BTD: variants seen among roughly 807,000 people sequenced by gnomAD.
BTD encodes the protein biocytinase.
Under a neutral mutation model 17.7 loss-of-function variants are expected in BTD, and 13 were observed. The observed-to-expected ratio is 0.74, with a 90% confidence interval of 0.48 to 1.17. The LOEUF is 1.17. Ranked by LOEUF, BTD falls within the 50% of genes most tolerant of loss-of-function variation. BTD has a pLI of 0.00. For missense variants in BTD, 674 were observed against 650.4 expected (o/e 1.04, Z -0.39); for synonymous variants, 240 against 245.2 (o/e 0.98, Z 0.20).
chr3:15,674,635 C>T (rs2066747755), intron 3 of BTD, among the ~76,000 whole-genome samples: 1 of 151,914 alleles, frequency 6.6e-6, no homozygotes. Context: ...TATTTAAAAC[C>T]AAAGGAACTG....
At chr3:15,625,531 TTTTGTTTG>T (rs541879800) in intron 1 of BTD, among the ~76,000 whole-genome samples, 1 of 151,908 alleles carries the variant, frequency 6.6e-6, no homozygotes, top group African/African-American at 2.4e-5. Context: ...TGGAGTTGTT[TTTTGTTTG>T]TTTGTTTGTT....
At chr3:15,679,652 T>A in intron 3 of BTD, 2 of 990,818 alleles carry the variant, frequency 2.0e-6, no homozygotes, top group Non-Finnish European at 3.1e-6. Flanking sequence ...AGGAAAAATG[T>A]AAAAGTCTCT....
chr3:15,641,472 A>G (rs2065505764), intron 2 of BTD, among the ~76,000 whole-genome samples: 2 of 152,204 alleles, frequency 1.3e-5, no homozygotes, highest in Non-Finnish European at 2.9e-5. Flanking sequence ...TTAAATGCAC[A>G]ATGGAAGTTG....
chr3:15,673,421 A>G (rs1417235932), intron 3 of BTD, among the ~76,000 whole-genome samples: 1 of 152,260 alleles, frequency 6.6e-6, no homozygotes. Context: ...GGCACTATTT[A>G]GAACACTAAG....
chr3:15,611,716 T>G (rs1356042563), intron 1 of BTD, among the ~76,000 whole-genome samples: 6 of 151,718 alleles, frequency 4.0e-5, no homozygotes, highest in South Asian at 4.2e-4. Context: ...AGGCAGAGGT[T>G]GCAATGAGCT....
At chr3:15,657,231 A>G (rs1053952936), downstream of BTD, among the ~76,000 whole-genome samples, 3 of 152,228 alleles carry the variant, frequency 2.0e-5, no homozygotes, top group Non-Finnish European at 4.4e-5. Flanking sequence ...TAAAGTTGCT[A>G]CAGCACCCTT....
intron 1 of BTD, among the ~76,000 whole-genome samples, chr3:15,616,110 A>C (rs1338794004): frequency 1.3e-5 from 2 of 152,020 alleles, no homozygotes; most frequent in African/African-American, 4.8e-5. Flanking sequence ...TGCTATAAAC[A>C]CTCCTGTGCA....
intron 3 of BTD, among the ~76,000 whole-genome samples, chr3:15,661,003 T>C (rs1452368134): frequency 2.6e-5 from 4 of 152,120 alleles, no homozygotes; most frequent in Non-Finnish European, 5.9e-5. Flanking sequence ...TGGTGGGTCA[T>C]GCCTGTAATC....
intron 3 of BTD, among the ~76,000 whole-genome samples, chr3:15,643,806 C>T (rs2065603663): frequency 6.8e-6 from 1 of 147,632 alleles, no homozygotes; most frequent in South Asian, 2.1e-4. Context: ...CCTGTAGTCC[C>T]AGCTTCTTAG....
At chr3:15,711,244 C>G (rs750169581) in exon 4 of BTD, 9 of 1,612,474 alleles carry the variant, frequency 5.6e-6, no homozygotes, top group Non-Finnish European at 7.6e-6. Flanking sequence ...ACAAGTCCTG[C>G]CAAAATCATC....
At chr3:15,677,743 A>G in intron 3 of BTD, 1 of 462,292 alleles carries the variant, frequency 2.2e-6, no homozygotes, top group Non-Finnish European at 3.9e-6. Context: ...AGACAATTAT[A>G]TTGTTGTATA....
chr3:15,716,716 A>C (rs1012378723), downstream of BTD, among the ~76,000 whole-genome samples: 3 of 152,366 alleles, frequency 2.0e-5, no homozygotes, highest in South Asian at 4.1e-4. Context: ...TTGTAATAAT[A>C]ATTTGATTAA....
At chr3:15,642,630 G>T (rs539768228) in intron 3 of BTD, among the ~76,000 whole-genome samples, 2 of 151,330 alleles carry the variant, frequency 1.3e-5, no homozygotes, top group Non-Finnish European at 3.0e-5. Context: ...AATTTTTTTT[G>T]TGTGTGTATT....
At chr3:15,670,066 C>A (rs1267125563) in intron 3 of BTD, 1 of 560,208 alleles carries the variant, frequency 1.8e-6, no homozygotes, top group Non-Finnish European at 3.1e-6. Flanking sequence ...TTTCCTCAGT[C>A]AGGTCTATTT....
chr3:15,685,859 T>C, intron 3 of BTD: 2 of 681,980 alleles, frequency 2.9e-6, no homozygotes, highest in South Asian at 4.2e-5. Context: ...AAAATTAGCA[T>C]TTAAAAACTA....
intron 3 of BTD, chr3:15,676,983 G>T: frequency 2.5e-6 from 4 of 1,611,242 alleles, no homozygotes; most frequent in Non-Finnish European, 2.5e-6. Flanking sequence ...CGTTTGCAAG[G>T]CTGCGTTGGT....
Position 15,659,603 on chromosome 3 carries a change from C to G in BTD, c.399+17546C>G, listed in dbSNP as rs187789635. Among the ~76,000 whole-genome samples the G allele has an allele frequency of 9.6e-4, 146 of 152,286 alleles. No homozygotes were observed. The Middle Eastern group carries it at 0.014, about 14-fold the overall frequency. On this transcript the variant is annotated intron_variant, in intron 3 of 3. Coordinates refer to the BTD transcript ENST00000672141. ...TCTTGACATCTGCTTTTTGGAGGAC[C>G]CAGACTAACAGAGTTAATATTTCAA...
downstream of BTD, among the ~76,000 whole-genome samples, chr3:15,717,514 A>G (rs2073209045): frequency 6.6e-6 from 1 of 152,010 alleles, no homozygotes; most frequent in African/African-American, 2.4e-5. Context: ...GCAGAAAACT[A>G]GGAGTATTAA....
In BTD at chr3:15,645,266, C is replaced by T; in HGVS notation, c.1350C>T (p.Thr450=). ...LVRCGGLGFD[T]CGQEITEATG... ...GGTGTGGGGGTCTTGGCTTCGACAC[C>T]TGTGGACAGGAAATCACAGAGGCCA... Residue 450 remains threonine (T), a synonymous_variant, in exon 4 of 4, where the codon ACC becomes ACT. Coordinates refer to ENST00000643237, the MANE Select transcript of BTD (RefSeq NM_001370658.1). The T allele has an allele frequency of 6.2e-7, 1 of 1,614,208 alleles. No individual in the cohort carries two copies. Among genetic ancestry groups the T allele is most frequent in the South Asian group, 1.1e-5 (1 of 91,082 alleles).
Sources: allele counts gnomAD v4.1 joint callset (sites outside exome capture counted in the v4.1 genomes callset), GRCh38; gene constraint gnomAD v4.1.1; transcripts MANE v1.5; gene names NCBI Gene and HGNC (gene_info 2026-07-23, HGNC 2026-07-21).